SHANK1: variants seen among roughly 807,000 people sequenced by gnomAD.
SHANK1 encodes SH3 and multiple ankyrin repeat domains 1, also known as SH3 and multiple ankyrin repeat domains protein 1.
A neutral mutation model predicts 165.6 loss-of-function variants in SHANK1; 35 were observed. The observed-to-expected ratio is 0.21, with a 90% confidence interval of 0.16 to 0.28. SHANK1 has a LOEUF of 0.28. Among genes scored for constraint, SHANK1 ranks in the 10% least tolerant of loss-of-function variants. The probability of loss-of-function intolerance (pLI) is 1.00; values close to 1 mark genes in which losing one functional copy is unlikely to be tolerated. For synonymous variants in SHANK1, 1,428 were observed against 1,384.8 expected, an observed-to-expected ratio of 1.03 and a Z score of -0.69; for missense variants, 2,681 against 3,036.4, an observed-to-expected ratio of 0.88 and a Z score of 2.75.
At chr19:50,691,205 G>A (rs1288589747) in intron 15 of SHANK1, among the ~76,000 whole-genome samples, 1 of 152,122 alleles carries the variant, frequency 6.6e-6, no homozygotes, top group South Asian at 2.1e-4. Context: ...GAGGAAAGGG[G>A]CCGAGAAGGC....
At chr19:50,701,779 G>A (rs563862971) in intron 12 of SHANK1, among the ~76,000 whole-genome samples, 1 of 152,176 alleles carries the variant, frequency 6.6e-6, no homozygotes, top group African/African-American at 2.4e-5. Context: ...GCGGCACGTG[G>A]TGGTCTCTAA....
At chr19:50,715,624 G>A (rs2089060907) in intron 4 of SHANK1, 35 bp downstream of exon 4, 4 of 1,580,024 alleles carry the variant, frequency 2.5e-6, no homozygotes, top group Non-Finnish European at 3.5e-6. Context: ...GTGGTAGGGG[G>A]CTATAGGGGA....
Position 50,718,033 on chromosome 19 carries a change from C to T in SHANK1, c.-43-1071G>A, listed in dbSNP as rs914125172. Among the ~76,000 whole-genome samples the T allele has an allele frequency of 3.9e-5, 6 of 152,128 alleles. No homozygotes were observed. The highest frequency in any genetic ancestry group is 7.4e-5 in the Non-Finnish European group (5 of 68,020). ...CGGAAACCAGAATGTCTGGTCTGGT[C>T]CCTCCCCCCAACACCAGGCCCGGTT... On this transcript the variant is annotated intron_variant, in intron 1 of 23. Transcript: ENST00000293441. The surrounding 1 kb of genome is among the most constrained non-coding windows in gnomAD (Gnocchi z 5.1).
intron 8 of SHANK1, among the ~76,000 whole-genome samples, chr19:50,705,830 A>G (rs560480018): frequency 2.6e-4 from 39 of 152,180 alleles, no homozygotes; most frequent in Non-Finnish European, 4.9e-4. Flanking sequence ...AATTGTCTCT[A>G]TTTTACAGAG....
At chr19:50,682,825 G>A (rs570960119) in intron 21 of SHANK1, among the ~76,000 whole-genome samples, 2 of 152,002 alleles carry the variant, frequency 1.3e-5, no homozygotes, top group Admixed American at 6.6e-5. Flanking sequence ...AATCTTTTTC[G>A]TTTGTTTGTT....
chr19:50,711,995 C>T lies in SHANK1; in HGVS notation c.912G>A (p.Arg304=). ...PRCCELLLFN[R]AQLGIADENG... ...TCTCATCAGCTATGCCCAGCTGGGC[C>T]CTGTTGAACAGGAGCAGCTCGCAGC... The change falls in exon 7 of 24, where the codon AGG becomes AGA. Residue 304 remains arginine, a synonymous_variant. Transcript: ENST00000293441. The T allele has an allele frequency of 6.2e-7, 1 of 1,614,094 alleles. No individual in the cohort carries two copies. The highest frequency in any genetic ancestry group is 8.5e-7 in the Non-Finnish European group (1 of 1,180,010).
In SHANK1 at chr19:50,690,452, C is replaced by T. The variant is rs1265320908; in HGVS notation, c.1965-1173G>A. Among the ~76,000 whole-genome samples, 1 of 152,160 alleles carries T rather than the reference C, an allele frequency of 6.6e-6. No homozygotes were observed. Among genetic ancestry groups the T allele is most frequent in the Non-Finnish European group, 1.5e-5 (1 of 68,018 alleles). ...CTCAGACACCCTGGCTGCAACCCCA[C>T]TGCCTTCAGAATACCCAAGAACACC... On this transcript the variant is annotated intron_variant, in intron 15 of 23. Transcript: ENST00000293441. The surrounding 1 kb of genome is among the most constrained non-coding windows in gnomAD (Gnocchi z 4.9).
chr19:50,668,035 C>G lies in SHANK1; in HGVS notation c.3925G>C (p.Gly1309Arg). 6.8e-7 allele frequency: 1 copy of G among 1,477,066 alleles called. No homozygotes were observed. Among genetic ancestry groups the G allele is most frequent in the Non-Finnish European group, 8.9e-7 (1 of 1,119,478 alleles). 91.5% of individuals were successfully genotyped at this position (1,477,066 alleles called of 1,614,324 possible). Reference sequence around the variant, plus strand: ...CTACCGGCCCCGTAGCCGCCGTAGCCCGCGCCGCTGCCCGCAGACTCCAGT... The same window carrying G: ...CTACCGGCCCCGTAGCCGCCGTAGCGCGCGCCGCTGCCCGCAGACTCCAGT... The part of the protein sequence containing the change: ...LRLESAGSGA[G>R]YGGYGAGSRA... The change falls in exon 23 of 24, where the codon GGC becomes CGC. Residue 1309 changes from glycine (G) to arginine (R), a missense_variant. By Grantham distance (125) the Gly-to-Arg change is moderately radical. Transcript: ENST00000293441.
At position 50,702,312 on chromosome 19, in the gene SHANK1, C is replaced by A. The variant is rs1986943027; in HGVS notation, c.1747+155G>T. Among the ~76,000 whole-genome samples the A allele has an allele frequency of 6.6e-6, 1 of 152,126 alleles. No homozygotes were observed. Among genetic ancestry groups the A allele is most frequent in the South Asian group, 2.1e-4 (1 of 4,820 alleles). ...GGTCATCTGAGCTACACTCTATGGT[C>A]CTCCAAGCCTCAAGGGGTGTCCTGG... is the stretch of plus-strand genomic sequence containing the variant. On this transcript the variant is annotated intron_variant, in intron 12 of 23. Transcript: ENST00000293441. This position sits in a 1 kb window ranked among gnomAD's most constrained non-coding sequence, Gnocchi z 5.3.
At position 50,688,032 on chromosome 19, in the gene SHANK1, G is replaced by A. The variant is rs755643166; in HGVS notation, c.2199C>T (p.Val733=). 57 of 1,613,908 alleles carry A rather than the reference G, an allele frequency of 3.5e-5. No individual in the cohort carries two copies. The highest frequency in any genetic ancestry group is 2.5e-4 in the South Asian group (23 of 91,086). Residue 733 remains valine (V), a synonymous_variant, in exon 18 of 24, where the codon GTC becomes GTT. Coordinates refer to ENST00000293441, the MANE Select transcript of SHANK1 (RefSeq NM_016148.5). The surrounding 1 kb of genome is among the most constrained non-coding windows in gnomAD (Gnocchi z 6.7). The part of the protein sequence containing the change: ...IEVNGQNVVK[V]GHRQVVNMIR... ...TCATGTTCACCACCTGTCGGTGGCC[G>A]ACCTTCACCACATTCTGCCCGTTCA...
intron 21 of SHANK1, among the ~76,000 whole-genome samples, chr19:50,678,533 G>A (rs67522367): frequency 0.36 from 53,258 of 149,948 alleles, 11,160 homozygotes; most frequent in Admixed American, 0.5. Context: ...AAGGGTCAGA[G>A]TGACAGGGAA....
chr19:50,675,061 CA>C (rs10560370), intron 21 of SHANK1, among the ~76,000 whole-genome samples: 9,463 of 85,638 alleles, frequency 0.11, 422 homozygotes, highest in African/African-American at 0.2. Flanking sequence ...CACTCGGTCT[CA>C]AAAAAAAAAA....
rs114066513 is a variant in SHANK1 at position 50,684,095 on chromosome 19, G to A, written c.2577+2142C>T. On this transcript the variant is annotated intron_variant, in intron 21 of 23. Coordinates refer to ENST00000293441, the MANE Select transcript of SHANK1 (RefSeq NM_016148.5). ...TTTCCTTCTTAAAGCTGGTTGTGAA[G>A]AAGTTTGTTGAGGAATTATGAGAAG... Among the ~76,000 whole-genome samples the A allele has an allele frequency of 5.0e-3, 767 of 152,352 alleles. 9 individuals carry two copies. The highest frequency in any genetic ancestry group is 0.018 in the African/African-American group (740 of 41,582).
chr19:50,707,027 C>T (rs2088946999), intron 8 of SHANK1, among the ~76,000 whole-genome samples: 1 of 152,212 alleles, frequency 6.6e-6, no homozygotes, highest in African/African-American at 2.4e-5. Flanking sequence ...ATCCGCCTGC[C>T]TTGGCTTCCC....
chr19:50,694,368 G>A (rs1486890810), intron 15 of SHANK1, among the ~76,000 whole-genome samples: 4 of 151,054 alleles, frequency 2.6e-5, no homozygotes, highest in African/African-American at 9.8e-5. Flanking sequence ...GGAGAGAGGG[G>A]TATGAATGGG....
intron 21 of SHANK1, among the ~76,000 whole-genome samples, chr19:50,674,592 C>T (rs1049558783): frequency 7.2e-5 from 11 of 152,216 alleles, no homozygotes; most frequent in Middle Eastern, 3.4e-3. Context: ...CCCGGCTACC[C>T]GCTTCCTTTA....
At position 50,666,629 on chromosome 19, in the gene SHANK1, T is replaced by C. The variant is rs767642669; in HGVS notation, c.5331A>G (p.Arg1777=). The change falls in exon 23 of 24, where the codon CGA becomes CGG. Residue 1777 remains arginine, a synonymous_variant. Coordinates refer to ENST00000293441, the MANE Select transcript of SHANK1 (RefSeq NM_016148.5). ...TGGGGCTGGTGGGGGTAACAGGGTC[T>C]CGGAGTCCCCCGCTGGGGCCAGGCC... ...GLRPGPSGGL[R]DPVTPTSPTV... is the part of the protein sequence containing the mutation. The C allele has an allele frequency of 1.3e-6, 2 of 1,598,488 alleles. No individual in the cohort carries two copies. Among genetic ancestry groups the C allele is most frequent in the Non-Finnish European group, 1.7e-6 (2 of 1,175,418 alleles).
intron 21 of SHANK1, among the ~76,000 whole-genome samples, chr19:50,678,779 G>A (rs1451553143): frequency 1.4e-5 from 1 of 70,200 alleles, no homozygotes; most frequent in Non-Finnish European, 2.7e-5. Flanking sequence ...GTGATGGGGA[G>A]GGGTCAGGGT....
intron 23 of SHANK1, among the ~76,000 whole-genome samples, chr19:50,664,483 C>T (rs1478814519): frequency 2.0e-5 from 3 of 152,204 alleles, no homozygotes; most frequent in Non-Finnish European, 4.4e-5. Flanking sequence ...AACAATGGCA[C>T]ACACTAAATC....
Sources: gnomAD v4.1 joint callset for allele counts (sites outside exome capture counted in the v4.1 genomes callset) on GRCh38, gnomAD v4.1.1 for gene constraint, Gnocchi (gnomAD v3.1) non-coding constraint, MANE v1.5 for transcripts, NCBI Gene and HGNC (gene_info 2026-07-23, HGNC 2026-07-21) for gene names.